TEX9: variants seen among roughly 807,000 people sequenced by gnomAD.
TEX9 encodes the protein testis expressed 9, also known as testis-expressed protein 9.
TEX9 carries 74 observed loss-of-function variants against 59.6 expected under a neutral mutation model. The ratio of observed to expected loss-of-function variants is 1.24; its 90% CI spans 1.03 to 1.51. The LOEUF is 1.51. Ranked by LOEUF, TEX9 falls within the 40% of genes most tolerant of loss-of-function variation. The pLI is 0.00. For synonymous variants in TEX9, 186 were observed against 152.2 expected, an observed-to-expected ratio of 1.22 and a Z score of -1.64; for missense variants, 522 against 447.8, an observed-to-expected ratio of 1.17 and a Z score of -1.49.
chr15:56,402,249 TAAAG>T (rs1442174601), intron 9 of TEX9, among the ~76,000 whole-genome samples: 5 of 151,870 alleles, frequency 3.3e-5, no homozygotes, highest in African/African-American at 7.3e-5. Flanking sequence ...GCAAGACTAA[TAAAG>T]AAGAAAATAG....
chr15:56,308,221 C>A (rs1245867910), intron 1 of TEX9, among the ~76,000 whole-genome samples: 2 of 152,210 alleles, frequency 1.3e-5, no homozygotes, highest in Non-Finnish European at 2.9e-5. Flanking sequence ...TTCTTCACAT[C>A]CTTGCCAATA....
exon 9 of TEX9, chr15:56,394,760 A>G: frequency 6.8e-6 from 11 of 1,613,194 alleles, no homozygotes; most frequent in Non-Finnish European, 9.3e-6. Context: ...TCAAGTAGAA[A>G]AATACAAAAC....
At chr15:56,325,695 C>A (rs1224640541) in intron 1 of TEX9, among the ~76,000 whole-genome samples, 2 of 152,114 alleles carry the variant, frequency 1.3e-5, no homozygotes, top group Non-Finnish European at 2.9e-5. Context: ...TCCAAACTGA[C>A]CAAATGTTCT....
Position 56,427,586 on chromosome 15 carries a change from C to A in TEX9, c.964-19C>A. Reference sequence around the variant, plus strand: ...GGCTGTATATTAAAAATATATGGCACTTTTTTTTCCTTGTGTAGGACATAG... The same window carrying A: ...GGCTGTATATTAAAAATATATGGCAATTTTTTTTCCTTGTGTAGGACATAG... On this transcript the variant is annotated intron_variant, in intron 10 of 12. Coordinates refer to ENST00000352903, the Ensembl canonical transcript of TEX9. 6.9e-7 allele frequency: 1 copy of A among 1,453,818 alleles called. No homozygotes were observed. The highest frequency in any genetic ancestry group is 9.2e-7 in the Non-Finnish European group (1 of 1,088,404). 90.1% of individuals were successfully genotyped at this position (1,453,818 alleles called of 1,614,324 possible).
downstream of TEX9, chr15:56,446,800 C>A: frequency 6.9e-7 from 1 of 1,439,926 alleles, no homozygotes. Flanking sequence ...TTTTTATTTT[C>A]TAAATGAAGC....
intron 1 of TEX9, among the ~76,000 whole-genome samples, chr15:56,338,727 G>A (rs553833522): frequency 5.3e-5 from 8 of 152,142 alleles, no homozygotes; most frequent in Non-Finnish European, 1.2e-4. Flanking sequence ...GACCAGTATG[G>A]CCAACATGGT....
intron 9 of TEX9, 36 bp from the exon 10 acceptor site, chr15:56,412,266 A>AT (rs780713888): frequency 1.3e-6 from 2 of 1,560,032 alleles, no homozygotes; most frequent in Admixed American, 4.0e-5. Flanking sequence ...ACTATGATAT[A>AT]TTTATAAATG....
intron 12 of TEX9, among the ~76,000 whole-genome samples, chr15:56,436,172 C>G (rs148875412): frequency 6.6e-6 from 1 of 152,074 alleles, no homozygotes; most frequent in African/African-American, 2.4e-5. Context: ...AGCACCACAC[C>G]GCACTTATTC....
At chr15:56,284,677 G>T (rs898127122) in intron 1 of TEX9, among the ~76,000 whole-genome samples, 1 of 152,020 alleles carries the variant, frequency 6.6e-6, no homozygotes, top group Non-Finnish European at 1.5e-5. Flanking sequence ...AGTCCTATTT[G>T]ATGGCCCTAC....
chr15:56,258,660 C>T (rs1169444306), intron 1 of TEX9, among the ~76,000 whole-genome samples: 3 of 151,576 alleles, frequency 2.0e-5, no homozygotes, highest in Non-Finnish European at 4.4e-5. Flanking sequence ...TTCCTTTCCT[C>T]CATTTTGTTG....
intron 1 of TEX9, chr15:56,323,726 G>A (rs1010861326): frequency 5.4e-5 from 1 of 18,442 alleles, no homozygotes; most frequent in Admixed American, 6.1e-4. Flanking sequence ...AGGAGGAAGA[G>A]GAGGAGGAGG....
intron 1 of TEX9, among the ~76,000 whole-genome samples, chr15:56,280,439 G>T (rs1042733322): frequency 6.6e-6 from 1 of 152,120 alleles, no homozygotes; most frequent in African/African-American, 2.4e-5. Context: ...AACCTTCCTT[G>T]TATCTTCTGA....
chr15:56,342,063 T>C (rs1350415313), intron 1 of TEX9, among the ~76,000 whole-genome samples: 1 of 152,166 alleles, frequency 6.6e-6, no homozygotes, highest in African/African-American at 2.4e-5. Context: ...ATCCCTTTGA[T>C]GAAGCCTAGG....
rs557943257 is a variant in TEX9, at chr15:56,365,885, T to G, written c.119+215T>G. ...GAAGATATTTGAAGTGGGCGAAAAT[T>G]TAGCCCAAGTAAGCATGTTGTTTAA... On this transcript the variant is annotated intron_variant, in intron 2 of 12. Transcript: ENST00000352903. 2.8e-5 allele frequency: 39 copies of G among 1,386,634 alleles called. No homozygotes were observed. In the South Asian group the frequency reaches 3.7e-4, roughly 13 times the overall value. The allele number at this position is 1,386,634 out of a possible 1,614,324, so 85.9% of individuals were successfully genotyped here. A position where few individuals can be genotyped will look rare whatever the true frequency, so the allele number is the denominator to read the frequency against.
chr15:56,294,161 G>A (rs1450287226), intron 1 of TEX9, among the ~76,000 whole-genome samples: 1 of 152,174 alleles, frequency 6.6e-6, no homozygotes, highest in African/African-American at 2.4e-5. Context: ...CATATGATTG[G>A]AGCTGGGAGG....
intron 1 of TEX9, among the ~76,000 whole-genome samples, chr15:56,283,045 GT>G (rs1300449397): frequency 2.3e-5 from 2 of 87,432 alleles, no homozygotes; most frequent in South Asian, 5.3e-4. Context: ...TGTGTACATT[GT>G]GTGGTGTGTG....
chr15:56,431,406 C>G, intron 12 of TEX9: 1 of 1,613,324 alleles, frequency 6.2e-7, no homozygotes, highest in Non-Finnish European at 8.5e-7. Flanking sequence ...TTGTAGCATG[C>G]TCTTTAAGAA....
intron 1 of TEX9, among the ~76,000 whole-genome samples, chr15:56,246,960 A>G (rs1204605480): frequency 2.0e-5 from 3 of 152,252 alleles, no homozygotes; most frequent in Admixed American, 6.5e-5. Flanking sequence ...TGTTGTCCAC[A>G]TTTAGAGAGT....
intron 1 of TEX9, among the ~76,000 whole-genome samples, chr15:56,325,903 T>G (rs1422990728): frequency 1.3e-5 from 2 of 152,234 alleles, no homozygotes; most frequent in African/African-American, 4.8e-5. Context: ...ATTTACCATT[T>G]GCACAAGGTG....
Sources: gnomAD v4.1 joint callset for allele counts (sites outside exome capture counted in the v4.1 genomes callset) on GRCh38, gnomAD v4.1.1 for gene constraint, MANE v1.5 for transcripts, NCBI Gene and HGNC (gene_info 2026-07-23, HGNC 2026-07-21) for gene names.